The following NRP1 variants were observed in gnomAD, a reference collection of about 807,000 sequenced individuals.
NRP1 encodes the protein neuropilin-1.
In NRP1, 35 loss-of-function variants were observed where a neutral mutation model predicts 106.7. That is an observed-to-expected ratio of 0.33 (90% CI 0.25 to 0.43). NRP1 has a LOEUF of 0.43. NRP1 is among the 20% of genes least tolerant of loss of function. The pLI, the probability that NRP1 is intolerant of heterozygous loss-of-function variation, is 1.00. For synonymous variants in NRP1, 437 were observed against 417.9 expected (o/e 1.05, Z -0.56); for missense variants, 1,024 against 1,170.4 (o/e 0.87, Z 1.83).
At chr10:33,197,514 T>C in intron 12 of NRP1, 136 bp downstream of exon 12, 1 of 534,936 alleles carries the variant, frequency 1.9e-6, no homozygotes, top group African/African-American at 1.9e-5. Flanking sequence ...GCAATATTTA[T>C]GGCTCATGCT....
chr10:33,327,459 C>A (rs528785112), intron 2 of NRP1, among the ~76,000 whole-genome samples: 2 of 152,186 alleles, frequency 1.3e-5, no homozygotes, highest in African/African-American at 4.8e-5. Flanking sequence ...TTGTTCTTAA[C>A]AAGAGTGATA....
rs902820710 is a variant in NRP1 at position 33,177,821 on chromosome 10, T to C, written c.*2255A>G. 83 of 152,616 alleles carry C rather than the reference T, an allele frequency of 5.4e-4. No individual in the cohort carries two copies. The highest frequency in any genetic ancestry group is 2.4e-5 in the African/African-American group (1 of 41,452). The allele number at this position is 152,616 out of a possible 1,614,324, so 9.5% of individuals were successfully genotyped here. ...ATTTCCATAAAGAAAAAATATGTTA[T>C]TTTACACCTTTAAAAATTACAAAAC... On this transcript the variant is annotated 3_prime_UTR_variant, in exon 17 of 17. Transcript: ENST00000374867.
intron 2 of NRP1, among the ~76,000 whole-genome samples, chr10:33,310,417 AT>A (rs1253669804): frequency 6.7e-6 from 1 of 149,332 alleles, no homozygotes; most frequent in Non-Finnish European, 1.5e-5. Context: ...CGCCTAGCTA[AT>A]TTTTGCATTT....
intron 8 of NRP1, among the ~76,000 whole-genome samples, chr10:33,220,900 C>CAAAAAAAAAAAAAAAAAAAA (rs35895871): frequency 4.9e-5 from 3 of 60,678 alleles, no homozygotes; most frequent in Non-Finnish European, 5.7e-5. Context: ...GGCTCAGTCT[C>CAAAAAAAAAAAAAAAAAAAA]AAAAAAAAAA....
At chr10:33,286,476 G>A (rs1844559423) in intron 2 of NRP1, among the ~76,000 whole-genome samples, 1 of 152,098 alleles carries the variant, frequency 6.6e-6, no homozygotes, top group Admixed American at 6.6e-5. Context: ...GTCTTGTGAT[G>A]AGAATGAAGA....
At chr10:33,320,424 T>C (rs1447092168) in intron 2 of NRP1, among the ~76,000 whole-genome samples, 1 of 152,066 alleles carries the variant, frequency 6.6e-6, no homozygotes, top group South Asian at 2.1e-4. Flanking sequence ...CAGGTGCCTC[T>C]GATTAAGCTA....
intron 2 of NRP1, among the ~76,000 whole-genome samples, chr10:33,320,291 G>A (rs1847403147): frequency 6.7e-6 from 1 of 149,848 alleles, no homozygotes; most frequent in African/African-American, 2.5e-5. Context: ...CCAGCCTGGC[G>A]ATGGAGCAAT....
At chr10:33,295,191 T>C (rs148931590) in intron 2 of NRP1, among the ~76,000 whole-genome samples, 10 of 152,254 alleles carry the variant, frequency 6.6e-5, no homozygotes, top group African/African-American at 2.4e-4. Flanking sequence ...TAGGAAAGCA[T>C]GAATCCCTAT....
At chr10:33,213,790 C>T (rs1838526596) in intron 8 of NRP1, 73 bp from the exon 9 acceptor site, 3 of 1,130,848 alleles carry the variant, frequency 2.7e-6, no homozygotes, top group Admixed American at 2.4e-5. Flanking sequence ...TAAAATACAA[C>T]ATATGGAATA....
chr10:33,247,437 T>C (rs997141445), intron 6 of NRP1, among the ~76,000 whole-genome samples: 2 of 152,176 alleles, frequency 1.3e-5, no homozygotes, highest in Admixed American at 1.3e-4. Flanking sequence ...ATTTTGGAAG[T>C]TGCCAGAAGC....
intron 2 of NRP1, among the ~76,000 whole-genome samples, chr10:33,315,609 G>A (rs1846971712): frequency 6.6e-6 from 1 of 152,210 alleles, no homozygotes; most frequent in Admixed American, 6.5e-5. Context: ...ACTACTGTAT[G>A]ATCTTGGGAG....
chr10:33,285,791 C>T (rs1844482725), intron 2 of NRP1, among the ~76,000 whole-genome samples: 1 of 152,030 alleles, frequency 6.6e-6, no homozygotes, highest in Non-Finnish European at 1.5e-5. Flanking sequence ...CAAGATTGAG[C>T]CACTGCACTC....
intron 2 of NRP1, among the ~76,000 whole-genome samples, chr10:33,297,128 C>A (rs543054746): frequency 6.6e-6 from 1 of 152,196 alleles, no homozygotes; most frequent in Non-Finnish European, 1.5e-5. Context: ...CACTGAACAT[C>A]TCTCTACCTG....
chr10:33,230,333 A>T (rs181554806), intron 6 of NRP1, among the ~76,000 whole-genome samples: 203 of 152,298 alleles, frequency 1.3e-3, no homozygotes, highest in African/African-American at 4.7e-3. Flanking sequence ...TCTGGAAGAC[A>T]CCACCCCCAA....
chr10:33,316,476 G>T (rs1847045927), intron 2 of NRP1, among the ~76,000 whole-genome samples: 1 of 152,204 alleles, frequency 6.6e-6, no homozygotes, highest in South Asian at 2.1e-4. Context: ...CCTCCAGAAA[G>T]AATTTGTAAG....
In NRP1 at chr10:33,284,098, T is replaced by C. The variant is rs1406012198; in HGVS notation, c.249-13242A>G. Among the ~76,000 whole-genome samples, 3 of 151,702 alleles carry C rather than the reference T, an allele frequency of 2.0e-5. No homozygotes were observed. In the South Asian group the frequency reaches 6.2e-4, roughly 32 times the overall value. On this transcript the variant is annotated intron_variant, in intron 2 of 16. Coordinates refer to ENST00000374867, the MANE Select transcript of NRP1 (RefSeq NM_003873.7). ...ACACAATAGAAGCTAGAGAAAGGTATAAAAAATTCCCCCTGATAATACTTA... is the reference window on the plus strand; with the variant it reads ...ACACAATAGAAGCTAGAGAAAGGTACAAAAAATTCCCCCTGATAATACTTA...
intron 2 of NRP1, among the ~76,000 whole-genome samples, chr10:33,299,318 G>C (rs1845636058): frequency 6.6e-6 from 1 of 152,082 alleles, no homozygotes; most frequent in Non-Finnish European, 1.5e-5. Flanking sequence ...CAGCACTGCA[G>C]GCTGAGCACA....
intron 2 of NRP1, among the ~76,000 whole-genome samples, chr10:33,315,337 A>C (rs1846946098): frequency 6.6e-6 from 1 of 152,268 alleles, no homozygotes; most frequent in Admixed American, 6.5e-5. Flanking sequence ...TGAGAAGAAT[A>C]AGTGAGCATT....
chr10:33,227,647 C>T (rs954093781), intron 6 of NRP1, among the ~76,000 whole-genome samples: 9 of 152,090 alleles, frequency 5.9e-5, no homozygotes, highest in Non-Finnish European at 1.0e-4. Context: ...ACAGCCTTGC[C>T]TTCATCTCTC....
Sources: gnomAD v4.1 joint callset for allele counts (sites outside exome capture counted in the v4.1 genomes callset) on GRCh38, gnomAD v4.1.1 for gene constraint, MANE v1.5 for transcripts, NCBI Gene and HGNC (gene_info 2026-07-23, HGNC 2026-07-21) for gene names.